Variants in MARK4 observed in about 807,000 individuals in gnomAD.
MARK4 encodes the protein microtubule affinity regulating kinase 4.
In MARK4, 19 loss-of-function variants were observed where a neutral mutation model predicts 81.5. That is an observed-to-expected ratio of 0.23 (90% CI 0.16 to 0.34). The LOEUF (loss-of-function observed/expected upper bound fraction) is 0.34. Ranked by LOEUF, MARK4 falls within the 10% of genes least tolerant of loss-of-function variation. MARK4 has a pLI of 1.00. For synonymous variants in MARK4, 436 were observed against 439.0 expected, an observed-to-expected ratio of 0.99 and a Z score of 0.08; for missense variants, 772 against 1,058.8, an observed-to-expected ratio of 0.73 and a Z score of 3.76.
intron 13 of MARK4, 61 bp from the exon 14 acceptor site, chr19:45,294,288 G>A: frequency 2.0e-6 from 3 of 1,505,858 alleles, no homozygotes; most frequent in Admixed American, 3.4e-5. Flanking sequence ...GAAGGGAAGA[G>A]GGAGAAGCTC....
In MARK4 at chr19:45,287,594, T is replaced by C. The variant is rs1163088116; in HGVS notation, c.1424T>C (p.Met475Thr). 3.8e-6 allele frequency: 6 copies of C among 1,598,012 alleles called. No individual in the cohort carries two copies. Among genetic ancestry groups the C allele is most frequent in the African/African-American group, 1.3e-5 (1 of 74,540 alleles). ...CGAGGGCTGCCCCCCTCCAGCCCCA[T>C]GGTCAGCAGCGCCCACAACCCCAAC... is the stretch of plus-strand genomic sequence containing the variant. ...GSRGLPPSSP[M>T]VSSAHNPNKA... is the part of the protein sequence containing the mutation. Residue 475 changes from methionine to threonine, a missense_variant, in exon 13 of 17, where the codon ATG becomes ACG. Met to Thr is a moderately conservative substitution (Grantham distance 81, BLOSUM62 -1). This residue lies in a region of MARK4 where 548 missense variants were observed against 624.3 expected (regional missense o/e 0.88). Coordinates refer to ENST00000262891, the MANE Select transcript of MARK4 (RefSeq NM_001199867.2).
At chr19:45,286,191 G>A (rs551473175) in intron 12 of MARK4, among the ~76,000 whole-genome samples, 12 of 152,100 alleles carry the variant, frequency 7.9e-5, no homozygotes, top group African/African-American at 2.4e-4. Flanking sequence ...AAGTAGCTGG[G>A]ATTACAGGTG....
Position 45,266,239 on chromosome 19 carries a change from G to T in MARK4, c.507G>T (p.Val169=). 2 of 1,613,798 alleles carry T rather than the reference G, an allele frequency of 1.2e-6. No homozygotes were observed. The highest frequency in any genetic ancestry group is 1.7e-6 in the Non-Finnish European group (2 of 1,179,814). The part of the protein sequence containing the change: ...RAKFRQIVSA[V]HYCHQKNIVH... ...TTCCCTCCCAGATTGTTTCGGCTGTGCACTATTGTCACCAGAAAAATATTG... is the reference window on the plus strand; with the variant it reads ...TTCCCTCCCAGATTGTTTCGGCTGTTCACTATTGTCACCAGAAAAATATTG... Residue 169 remains valine (V), a synonymous_variant, in exon 7 of 17, where the codon GTG becomes GTT. Transcript: ENST00000262891.
chr19:45,298,975 C>G (rs1016281222), intron 15 of MARK4, among the ~76,000 whole-genome samples: 2 of 149,598 alleles, frequency 1.3e-5, no homozygotes, highest in African/African-American at 5.0e-5. Flanking sequence ...AATTGGGAGG[C>G]CGAGGCAGGA....
chr19:45,287,905 TG>T, intron 13 of MARK4: 1 of 585,494 alleles, frequency 1.7e-6, no homozygotes, highest in South Asian at 2.0e-5. Context: ...AACGTACTCT[TG>T]GCAGAAAGGA....
chr19:45,285,214 G>A (rs914556818), intron 12 of MARK4, among the ~76,000 whole-genome samples: 12 of 147,994 alleles, frequency 8.1e-5, no homozygotes, highest in African/African-American at 2.5e-4. Flanking sequence ...AGTCCAGATC[G>A]TGCCACTGCA....
Position 45,277,974 on chromosome 19 carries a change from T to A in MARK4, c.838T>A (p.Ser280Thr), listed in dbSNP as rs1234006879. The change falls in exon 9 of 17, where the codon TCA (serine) becomes ACA (threonine). Residue 280 changes from serine (S) to threonine (T), a missense_variant. By Grantham distance (58) the Ser-to-Thr change is moderately conservative (BLOSUM62 1). Around this residue, in one of 3 missense-constraint regions of MARK4, gnomAD observed 109 missense variants for 294.7 expected, o/e 0.37. Transcript: ENST00000262891. ...RGKYRVPFYM[S>T]TDCESILRRF... ...GAAGTACCGGGTCCCTTTCTACATG[T>A]CAACAGACTGTGAGAGCATCCTGCG... 2 of 1,613,754 alleles carry A rather than the reference T, an allele frequency of 1.2e-6. No homozygotes were observed. Among genetic ancestry groups the A allele is most frequent in the Non-Finnish European group, 1.7e-6 (2 of 1,179,950 alleles).
Position 45,299,861 on chromosome 19 carries a change from T to G in MARK4, c.1922+6T>G. On this transcript the variant is annotated splice_donor_region_variant and intron_variant, in intron 16 of 16. Coordinates refer to ENST00000262891, the MANE Select transcript of MARK4 (RefSeq NM_001199867.2). ...GGGGGACCTGAGGTCACAAGGTGAG[T>G]GCTTGGGCCTACCCCTGACTGCCAC... The G allele has an allele frequency of 1.3e-6, 2 of 1,598,880 alleles. No individual in the cohort carries two copies.
At chr19:45,255,714 C>T (rs532781831) in intron 1 of MARK4, among the ~76,000 whole-genome samples, 54 of 152,306 alleles carry the variant, frequency 3.5e-4, no homozygotes, top group African/African-American at 1.3e-3. Context: ...CGTTAGTTGT[C>T]GTTGCTATCA....
At chr19:45,280,144 T>G in intron 10 of MARK4, 18 of 428,914 alleles carry the variant, frequency 4.2e-5, no homozygotes, top group East Asian at 9.0e-5. Context: ...TGCCCAGGAG[T>G]TTCAAACCAG....
intron 2 of MARK4, among the ~76,000 whole-genome samples, chr19:45,261,607 C>T (rs1235364712): frequency 2.0e-5 from 3 of 152,260 alleles, no homozygotes; most frequent in Non-Finnish European, 4.4e-5. Flanking sequence ...TGAGAGGGAC[C>T]TGGCCCCATC....
At chr19:45,274,174 G>A (rs1970569185) in intron 8 of MARK4, among the ~76,000 whole-genome samples, 1 of 152,134 alleles carries the variant, frequency 6.6e-6, no homozygotes, top group Non-Finnish European at 1.5e-5. Context: ...GCATGAACCT[G>A]GGAGGTGGAG....
At chr19:45,263,018 G>T in intron 2 of MARK4, 95 bp from the exon 3 acceptor site, 1 of 1,442,556 alleles carries the variant, frequency 6.9e-7, no homozygotes, top group Non-Finnish European at 9.5e-7. Flanking sequence ...TCCCGCCTTG[G>T]TCTTCCCAAA....
At chr19:45,263,243 G>A (rs1402368446) in intron 3 of MARK4, 76 bp from the exon 4 acceptor site, 1 of 1,613,684 alleles carries the variant, frequency 6.2e-7, no homozygotes, top group East Asian at 2.2e-5. Context: ...CCTTCCTGCG[G>A]GGGCCCGGCT....
Position 45,251,545 on chromosome 19 carries a change from GCCCCCC to G in MARK4, c.-41_-36del. Reference sequence around the variant, plus strand: ...GAAGAGAGGGGACCCTGGGACCCCCGCCCCCCCCACCCGGCCGCCCCTGCCCCCCGG... The same window carrying G: ...GAAGAGAGGGGACCCTGGGACCCCCGCCACCCGGCCGCCCCTGCCCCCCGG... On this transcript the variant is annotated 5_prime_UTR_variant, in exon 1 of 17. Coordinates refer to ENST00000262891, the MANE Select transcript of MARK4 (RefSeq NM_001199867.2). 1.4e-5 allele frequency: 2 copies of G among 142,352 alleles called. No individual in the cohort carries two copies. The highest frequency in any genetic ancestry group is 2.6e-5 in the Non-Finnish European group (2 of 77,186). 8.8% of individuals were successfully genotyped at this position (142,352 alleles called of 1,614,324 possible).
chr19:45,302,575 C>G lies in MARK4; in HGVS notation c.2124C>G (p.Pro708=). The stretch of plus-strand genomic sequence containing the variant: ...ACGGGGGTGCGGGCGGGCCCGAGCC[C>G]CTGTCCCACTTCGAAGTGGAGGTCT... ...CLHGGAGGPE[P]LSHFEVEVCQ... is the part of the protein sequence containing the mutation. The change falls in exon 17 of 17, where the codon CCC becomes CCG. Residue 708 remains proline (P), a synonymous_variant. Coordinates refer to ENST00000262891, the MANE Select transcript of MARK4 (RefSeq NM_001199867.2). This position sits in a 1 kb window ranked among gnomAD's most constrained non-coding sequence, Gnocchi z 4.9. The G allele has an allele frequency of 6.3e-7, 1 of 1,579,484 alleles. No homozygotes were observed. Among genetic ancestry groups the G allele is most frequent in the Non-Finnish European group, 8.6e-7 (1 of 1,169,526 alleles).
At chr19:45,268,890 C>T (rs889204856) in intron 7 of MARK4, among the ~76,000 whole-genome samples, 1 of 152,206 alleles carries the variant, frequency 6.6e-6, no homozygotes, top group Non-Finnish European at 1.5e-5. Context: ...GGGTGTCCCT[C>T]CACACGGCCC....
intron 7 of MARK4, 51 bp downstream of exon 7, chr19:45,266,332 C>T (rs778419408): frequency 3.2e-6 from 5 of 1,567,996 alleles, no homozygotes; most frequent in Non-Finnish European, 4.4e-6. Context: ...AGCCCACAGA[C>T]TTCTCCCTGC....
At chr19:45,283,270 G>A (rs1014627611) in intron 12 of MARK4, among the ~76,000 whole-genome samples, 5 of 151,618 alleles carry the variant, frequency 3.3e-5, no homozygotes, top group Non-Finnish European at 5.9e-5. Flanking sequence ...TTAGCCGGGC[G>A]TAGTGGCAGG....
Sources: gnomAD v4.1 joint callset for allele counts (sites outside exome capture counted in the v4.1 genomes callset) on GRCh38, gnomAD v4.1.1 for gene constraint, gnomAD v4.1.1 regional missense constraint, Gnocchi (gnomAD v3.1) non-coding constraint, MANE v1.5 for transcripts, NCBI Gene and HGNC (gene_info 2026-07-23, HGNC 2026-07-21) for gene names.